The following SCD5 variants were observed in gnomAD, a reference collection of about 807,000 sequenced individuals.
SCD5 encodes the protein acyl-CoA-desaturase 4.
Under a neutral mutation model 30.4 loss-of-function variants are expected in SCD5, and 20 were observed. The ratio of observed to expected loss-of-function variants is 0.66; its 90% CI spans 0.46 to 0.96. The LOEUF (loss-of-function observed/expected upper bound fraction) is 0.96, where lower values mean the gene tolerates loss of function less well. Among genes scored for constraint, SCD5 ranks in the 40% least tolerant of loss-of-function variants. The pLI is 0.00. For synonymous variants in SCD5, 173 were observed against 176.4 expected (o/e 0.98, Z 0.16); for missense variants, 381 against 443.3 (o/e 0.86, Z 1.26).
At chr4:82,696,944 G>T (rs937202120) in intron 2 of SCD5, among the ~76,000 whole-genome samples, 2 of 152,308 alleles carry the variant, frequency 1.3e-5, no homozygotes, top group Non-Finnish European at 2.9e-5. Context: ...AGACATTTGG[G>T]CCTTAGTTTA....
chr4:82,745,850 G>A (rs562082515), intron 1 of SCD5, among the ~76,000 whole-genome samples: 1 of 152,282 alleles, frequency 6.6e-6, no homozygotes, highest in South Asian at 2.1e-4. Context: ...TGGTTAAGAG[G>A]CTAGACACTA....
intron 1 of SCD5, among the ~76,000 whole-genome samples, chr4:82,756,026 T>C (rs1311714483): frequency 1.3e-5 from 2 of 152,208 alleles, no homozygotes; most frequent in Non-Finnish European, 2.9e-5. Context: ...TGATTTAGTG[T>C]TGGTGTAGAG....
rs549843972 is a variant in SCD5 at position 82,693,393 on chromosome 4, A to G, written c.363+11890T>C. Among the ~76,000 whole-genome samples the G allele has an allele frequency of 2.0e-5, 3 of 152,152 alleles. No homozygotes were observed. The South Asian group carries it at 6.2e-4, about 32-fold the overall frequency. ...CCCTTCAGTCCTACCACTAAATTAT[A>G]TCTTGAATCTGCACACTTCTCATTT... On this transcript the variant is annotated intron_variant, in intron 2 of 4. Transcript: ENST00000319540.
chr4:82,781,119 A>G (rs1377301715), intron 1 of SCD5, among the ~76,000 whole-genome samples: 1 of 152,196 alleles, frequency 6.6e-6, no homozygotes, highest in Non-Finnish European at 1.5e-5. Flanking sequence ...CACTAAAAGA[A>G]AAAAGGACTT....
chr4:82,774,956 C>T (rs1721715305), intron 1 of SCD5, among the ~76,000 whole-genome samples: 1 of 151,908 alleles, frequency 6.6e-6, no homozygotes, highest in Non-Finnish European at 1.5e-5. Flanking sequence ...CTCAGCTCAC[C>T]AAGGACCCAC....
At position 82,664,266 on chromosome 4, in the gene SCD5, A is replaced by T. The variant is rs1265025911; in HGVS notation, c.569+16441T>A. Among the ~76,000 whole-genome samples, 3 of 152,204 alleles carry T rather than the reference A, an allele frequency of 2.0e-5. No homozygotes were observed. The East Asian group carries it at 5.8e-4, about 29-fold the overall frequency. ...AATAGCAGCAGTAAAATCTAAACTC[A>T]GCTCAACTTCTGATTAATTGACCCA... On this transcript the variant is annotated intron_variant, in intron 3 of 4. Transcript: ENST00000319540.
At chr4:82,634,679 A>C (rs2148811255) in intron 4 of SCD5, among the ~76,000 whole-genome samples, 1 of 152,226 alleles carries the variant, frequency 6.6e-6, no homozygotes, top group Middle Eastern at 3.4e-3. Context: ...TAGACTTATA[A>C]CCAATACCTA....
At chr4:82,635,446 C>T (rs1255511764) in intron 4 of SCD5, among the ~76,000 whole-genome samples, 2 of 151,842 alleles carry the variant, frequency 1.3e-5, no homozygotes, top group African/African-American at 2.4e-5. Flanking sequence ...GGTGAAATCC[C>T]GTCTCTACTA....
chr4:82,686,461 T>C (rs1479008409), intron 2 of SCD5, among the ~76,000 whole-genome samples: 1 of 152,230 alleles, frequency 6.6e-6, no homozygotes, highest in Non-Finnish European at 1.5e-5. Context: ...ATTGTGCATA[T>C]ATTTTCATCT....
At chr4:82,674,439 T>C (rs1374133446) in intron 3 of SCD5, among the ~76,000 whole-genome samples, 2 of 152,270 alleles carry the variant, frequency 1.3e-5, no homozygotes, top group East Asian at 3.9e-4. Context: ...TGCATATTAG[T>C]TAGAATGGCC....
chr4:82,762,696 G>A (rs1578057844), intron 1 of SCD5, among the ~76,000 whole-genome samples: 1 of 152,296 alleles, frequency 6.6e-6, no homozygotes, highest in African/African-American at 2.4e-5. Context: ...TTTGAGGAAG[G>A]GTCCGTGTTT....
chr4:82,794,000 C>T (rs1196362588), intron 1 of SCD5, among the ~76,000 whole-genome samples: 1 of 152,116 alleles, frequency 6.6e-6, no homozygotes, highest in Non-Finnish European at 1.5e-5. Flanking sequence ...CTACCCGATG[C>T]CCAACGGAAG....
chr4:82,658,351 A>T lies in SCD5; in HGVS notation c.570-21528T>A, dbSNP rs541436655. Among the ~76,000 whole-genome samples the T allele has an allele frequency of 2.0e-5, 3 of 152,084 alleles. No homozygotes were observed. In the East Asian group the frequency reaches 5.8e-4, roughly 29 times the overall value. Reference sequence around the variant, plus strand: ...GGCCTTTTCTGCATCTATTGAGATAATTATGTGGTTTTTGTCATTGGTTCT... The same window carrying T: ...GGCCTTTTCTGCATCTATTGAGATATTTATGTGGTTTTTGTCATTGGTTCT... On this transcript the variant is annotated intron_variant, in intron 3 of 4. Transcript: ENST00000319540.
At chr4:82,727,574 C>T (rs917709580) in intron 1 of SCD5, among the ~76,000 whole-genome samples, 2 of 152,204 alleles carry the variant, frequency 1.3e-5, no homozygotes, top group African/African-American at 4.8e-5. Context: ...AATGGTCTTT[C>T]TCCTTGGACA....
intron 2 of SCD5, 102 bp from the exon 3 acceptor site, chr4:82,681,014 G>A: frequency 2.2e-6 from 2 of 929,610 alleles, no homozygotes; most frequent in East Asian, 2.5e-5. Flanking sequence ...CCTCACTGCT[G>A]GTTTCACTTT....
intron 3 of SCD5, among the ~76,000 whole-genome samples, chr4:82,661,422 T>C (rs1456824646): frequency 2.0e-5 from 3 of 152,240 alleles, no homozygotes; most frequent in Non-Finnish European, 4.4e-5. Flanking sequence ...TCATAATACA[T>C]TGCTGTCAGC....
chr4:82,798,715 C>T lies in SCD5; in HGVS notation c.-178G>A, dbSNP rs1175530847. On this transcript the variant is annotated 5_prime_UTR_variant, in exon 1 of 5. Transcript: ENST00000319540. ...GCTCTTCCCCAGGGTCTTAGCGTGG[C>T]CTAGGGATGCAGATCTTGGCGGCCG... is the stretch of plus-strand genomic sequence containing the variant. The T allele has an allele frequency of 1.7e-6, 1 of 591,942 alleles. No homozygotes were observed. Among genetic ancestry groups the T allele is most frequent in the Non-Finnish European group, 2.9e-6 (1 of 347,140 alleles). 36.7% of individuals were successfully genotyped at this position (591,942 alleles called of 1,614,324 possible).
chr4:82,647,795 A>G (rs1195530487), intron 3 of SCD5, among the ~76,000 whole-genome samples: 1 of 152,246 alleles, frequency 6.6e-6, no homozygotes, highest in African/African-American at 2.4e-5. Context: ...TTTTCTTCCT[A>G]GTTGAAGATA....
intron 1 of SCD5, among the ~76,000 whole-genome samples, chr4:82,725,037 A>G (rs1306750330): frequency 6.6e-6 from 1 of 152,248 alleles, no homozygotes; most frequent in Non-Finnish European, 1.5e-5. Context: ...CAAGGTTATC[A>G]ACCTGGATGA....
Sources: gnomAD v4.1 joint callset for allele counts (sites outside exome capture counted in the v4.1 genomes callset) on GRCh38, gnomAD v4.1.1 for gene constraint, MANE v1.5 for transcripts, NCBI Gene and HGNC (gene_info 2026-07-23, HGNC 2026-07-21) for gene names.